SNX14: variants seen among roughly 807,000 people sequenced by gnomAD.
SNX14 encodes the protein sorting nexin 14.
SNX14 carries 93 observed loss-of-function variants against 133.8 expected under a neutral mutation model. The observed-to-expected ratio is 0.70, with a 90% CI of 0.59 to 0.83. The LOEUF is 0.83. Ranked by LOEUF, SNX14 falls within the 40% of genes least tolerant of loss-of-function variation. The pLI, the probability that SNX14 is intolerant of heterozygous loss-of-function variation, is 0.00. For synonymous variants in SNX14, 368 were observed against 365.6 expected, an observed-to-expected ratio of 1.01 and a Z score of -0.07; for missense variants, 945 against 1,094.9, an observed-to-expected ratio of 0.86 and a Z score of 1.93.
At chr6:85,559,116 G>A (rs920498616) in intron 6 of SNX14, among the ~76,000 whole-genome samples, 6 of 151,814 alleles carry the variant, frequency 4.0e-5, no homozygotes, top group African/African-American at 1.2e-4. Context: ...TCCATATTAA[G>A]GGAACAAAAT....
chr6:85,531,629 A>G (rs1780333767), intron 18 of SNX14, among the ~76,000 whole-genome samples: 1 of 152,224 alleles, frequency 6.6e-6, no homozygotes, highest in African/African-American at 2.4e-5. Flanking sequence ...AAATCAATAT[A>G]CTAAATGATA....
chr6:85,582,136 G>A (rs1056821905), intron 1 of SNX14, among the ~76,000 whole-genome samples: 6 of 152,072 alleles, frequency 3.9e-5, no homozygotes, highest in South Asian at 2.1e-4. Flanking sequence ...GAGCTCCAAC[G>A]CATCTGGCAC....
Position 85,547,183 on chromosome 6 carries a change from A to G in SNX14, c.1037T>C (p.Leu346Pro). Residue 346 changes from leucine to proline, a missense_variant, in exon 12 of 29, where the codon CTT (leucine) becomes CCT (proline). Physicochemically the swap from Leu to Pro is moderately conservative, Grantham distance 98. This residue lies in a region of SNX14 where 514 missense variants were observed against 538.8 expected (regional missense o/e 0.95). Coordinates refer to ENST00000314673, the MANE Select transcript of SNX14 (RefSeq NM_153816.6). ...CAGAAAGTTCATAAAACGAAATAAA[A>G]GATCTTGTTGCTCTCTGATTTGCTT... ...ELKQIREQQD[L>P]LFRFMNFLKQ... 4 of 1,614,092 alleles carry G rather than the reference A, an allele frequency of 2.5e-6. No individual in the cohort carries two copies. Among genetic ancestry groups the G allele is most frequent in the Non-Finnish European group, 3.4e-6 (4 of 1,179,968 alleles).
chr6:85,512,297 G>A (rs1391654074), intron 26 of SNX14, among the ~76,000 whole-genome samples: 1 of 152,094 alleles, frequency 6.6e-6, no homozygotes, highest in African/African-American at 2.4e-5. Context: ...GTGGGATCTT[G>A]GTCAAGGCCC....
intron 14 of SNX14, among the ~76,000 whole-genome samples, chr6:85,542,801 T>C (rs1399374327): frequency 6.6e-6 from 1 of 152,224 alleles, no homozygotes; most frequent in East Asian, 1.9e-4. Context: ...AGTCTTGCTC[T>C]ATGGCCCAGG....
intron 6 of SNX14, among the ~76,000 whole-genome samples, chr6:85,560,102 TAG>T (rs1185384913): frequency 6.6e-6 from 1 of 152,140 alleles, no homozygotes; most frequent in Non-Finnish European, 1.5e-5. Context: ...GTGTTAGACA[TAG>T]AGTTTTTGAT....
chr6:85,569,861 T>C (rs1037621822), intron 4 of SNX14, among the ~76,000 whole-genome samples: 4 of 152,250 alleles, frequency 2.6e-5, no homozygotes, highest in Non-Finnish European at 4.4e-5. Context: ...TATTAGCTAC[T>C]AGAATATTGT....
intron 1 of SNX14, among the ~76,000 whole-genome samples, chr6:85,586,990 G>A (rs2128237335): frequency 6.6e-6 from 1 of 152,244 alleles, no homozygotes; most frequent in Middle Eastern, 3.4e-3. Context: ...AGATTGCAAT[G>A]AGCCAAGATC....
At chr6:85,508,480 T>C (rs1771553486) in intron 26 of SNX14, 1 of 713,300 alleles carries the variant, frequency 1.4e-6, no homozygotes, top group African/African-American at 1.9e-5. Flanking sequence ...ACACCCAATG[T>C]AGGATAAGCC....
intron 18 of SNX14, among the ~76,000 whole-genome samples, chr6:85,532,704 T>A (rs1243814979): frequency 6.6e-6 from 1 of 152,176 alleles, no homozygotes. Context: ...TGGTGACTAT[T>A]TTATTTTTTA....
At chr6:85,581,716 T>G (rs952598632) in intron 1 of SNX14, 2 of 152,180 alleles carry the variant, frequency 1.3e-5, no homozygotes, top group Admixed American at 6.5e-5. Context: ...TATAGAAGAA[T>G]GCATTAGAGT....
chr6:85,577,525 A>C (rs936831510), intron 1 of SNX14, among the ~76,000 whole-genome samples: 22 of 152,190 alleles, frequency 1.4e-4, no homozygotes, highest in African/African-American at 4.6e-4. Flanking sequence ...AATGTTCCAC[A>C]AGCACCTAAA....
At chr6:85,527,465 C>CT (rs1778866502) in intron 20 of SNX14, among the ~76,000 whole-genome samples, 1 of 151,558 alleles carries the variant, frequency 6.6e-6, no homozygotes, top group Non-Finnish European at 1.5e-5. Flanking sequence ...GTAAATACTC[C>CT]TTTATACTGC....
intron 21 of SNX14, among the ~76,000 whole-genome samples, chr6:85,522,865 C>T (rs1777332152): frequency 6.6e-6 from 1 of 152,138 alleles, no homozygotes. Context: ...CTCTTTCATG[C>T]CTCTTGTACA....
At chr6:85,580,708 A>G (rs142183907) in intron 1 of SNX14, among the ~76,000 whole-genome samples, 3 of 152,318 alleles carry the variant, frequency 2.0e-5, no homozygotes, top group African/African-American at 7.2e-5. Context: ...TTAGATTGAT[A>G]GAGTCTAGCA....
At chr6:85,531,293 G>A (rs961901760) in intron 18 of SNX14, among the ~76,000 whole-genome samples, 2 of 152,126 alleles carry the variant, frequency 1.3e-5, no homozygotes, top group African/African-American at 4.8e-5. Context: ...GTGCTTAGAT[G>A]TAGAATAACA....
Position 85,507,739 on chromosome 6 carries a change from T to G in SNX14, c.2745+229A>C, listed in dbSNP as rs555200055. 7.2e-5 allele frequency among the ~76,000 whole-genome samples: 11 copies of G among 152,310 alleles called. No homozygotes were observed. The South Asian group carries it at 2.3e-3, about 32-fold the overall frequency. ...TTCATGAATTTTCTATGCCAAATTTTCTACAATTACTATATATTAATTTTA... is the reference window on the plus strand; with the variant it reads ...TTCATGAATTTTCTATGCCAAATTTGCTACAATTACTATATATTAATTTTA... On this transcript the variant is annotated intron_variant, in intron 27 of 28. Coordinates refer to ENST00000314673, the MANE Select transcript of SNX14 (RefSeq NM_153816.6).
intron 1 of SNX14, among the ~76,000 whole-genome samples, chr6:85,583,851 C>T (rs992433434): frequency 3.9e-5 from 6 of 151,988 alleles, no homozygotes; most frequent in African/African-American, 1.2e-4. Context: ...CAGTCCTATC[C>T]CCATCAAGCT....
intron 23 of SNX14, chr6:85,517,520 C>T: frequency 6.2e-6 from 2 of 324,030 alleles, no homozygotes; most frequent in South Asian, 1.4e-4. Context: ...TCCCCAAATA[C>T]AGAAGTGGCA....
Sources: allele counts gnomAD v4.1 joint callset (sites outside exome capture counted in the v4.1 genomes callset), GRCh38; gene constraint gnomAD v4.1.1; regional missense constraint gnomAD v4.1.1; transcripts MANE v1.5; gene names NCBI Gene and HGNC (gene_info 2026-07-23, HGNC 2026-07-21).